The following ADAMTS12 variants were observed in gnomAD, a reference collection of about 807,000 sequenced individuals.
ADAMTS12 encodes ADAM metallopeptidase with thrombospondin type 1 motif 12.
In ADAMTS12, 118 loss-of-function variants were observed where a neutral mutation model predicts 167.8. The ratio of observed to expected loss-of-function variants is 0.70; its 90% CI spans 0.61 to 0.82. The LOEUF (loss-of-function observed/expected upper bound fraction) is 0.82, where lower values mean the gene tolerates loss of function less well. ADAMTS12 is among the 40% of genes least tolerant of loss of function. The pLI, the probability that ADAMTS12 is intolerant of heterozygous loss-of-function variation, is 0.00. For synonymous variants in ADAMTS12, 704 were observed against 716.9 expected, an observed-to-expected ratio of 0.98 and a Z score of 0.29; for missense variants, 1,916 against 1,998.8, an observed-to-expected ratio of 0.96 and a Z score of 0.79.
At chr5:33,702,979 C>T (rs1466203740) in intron 3 of ADAMTS12, among the ~76,000 whole-genome samples, 3 of 152,308 alleles carry the variant, frequency 2.0e-5, no homozygotes, top group African/African-American at 7.2e-5. Flanking sequence ...ACAACCTGTT[C>T]ATCCACAGGT....
chr5:33,624,009 T>C (rs1161145711), intron 14 of ADAMTS12, among the ~76,000 whole-genome samples: 2 of 152,226 alleles, frequency 1.3e-5, no homozygotes, highest in African/African-American at 4.8e-5. Context: ...CAGATCTCTA[T>C]CTCACTGTGA....
At chr5:33,871,401 G>C (rs904343428) in intron 2 of ADAMTS12, among the ~76,000 whole-genome samples, 3 of 152,000 alleles carry the variant, frequency 2.0e-5, no homozygotes, top group East Asian at 3.8e-4. Flanking sequence ...GTACTGAAAA[G>C]AAAGGAAAAC....
At chr5:33,606,893 T>C (rs1056137363) in intron 16 of ADAMTS12, among the ~76,000 whole-genome samples, 3 of 152,166 alleles carry the variant, frequency 2.0e-5, no homozygotes, top group Non-Finnish European at 4.4e-5. Flanking sequence ...ACAGTGTATA[T>C]AATACATGTA....
chr5:33,825,465 A>G (rs1202214183), intron 2 of ADAMTS12, among the ~76,000 whole-genome samples: 1 of 152,204 alleles, frequency 6.6e-6, no homozygotes, highest in Non-Finnish European at 1.5e-5. Context: ...GAGTGTAAGT[A>G]AGAGCTGCAT....
intron 21 of ADAMTS12, among the ~76,000 whole-genome samples, chr5:33,548,335 A>G (rs1050865926): frequency 1.3e-5 from 2 of 152,000 alleles, no homozygotes; most frequent in African/African-American, 4.8e-5. Context: ...AACTCCATTT[A>G]TTTTCTCATT....
Position 33,576,125 on chromosome 5 carries a change from T to C in ADAMTS12, c.3901A>G (p.Asn1301Asp). 2 of 1,614,098 alleles carry C rather than the reference T, an allele frequency of 1.2e-6. No individual in the cohort carries two copies. The highest frequency in any genetic ancestry group is 1.7e-6 in the Non-Finnish European group (2 of 1,180,006). ...TSLITEGFLL[N>D]ASNYKQLTNG... ...GTGAGCTGCTTGTAATTGGAGGCAT[T>C]TAGCAAAAAGCCCTCAGTAATCAGA... Residue 1301 changes from asparagine to aspartate, a missense_variant, in exon 19 of 24, where the codon AAT becomes GAT. Coordinates refer to ENST00000504830, the MANE Select transcript of ADAMTS12 (RefSeq NM_030955.4).
At chr5:33,630,970 C>T in intron 12 of ADAMTS12, 57 bp from the exon 13 acceptor site, 1 of 1,593,124 alleles carries the variant, frequency 6.3e-7, no homozygotes, top group Middle Eastern at 1.7e-4. Context: ...CAGCATCCTC[C>T]CCCAGGATTC....
chr5:33,846,491 G>C (rs1748950028), intron 2 of ADAMTS12, among the ~76,000 whole-genome samples: 1 of 152,182 alleles, frequency 6.6e-6, no homozygotes, highest in African/African-American at 2.4e-5. Context: ...TCTAGGTCAA[G>C]CTCAAATGCT....
chr5:33,675,159 T>C (rs1741855844), intron 5 of ADAMTS12, among the ~76,000 whole-genome samples: 1 of 152,162 alleles, frequency 6.6e-6, no homozygotes, highest in Non-Finnish European at 1.5e-5. Context: ...AGTGACCTAG[T>C]CTGTGATATT....
At chr5:33,660,758 T>C (rs78778672) in intron 6 of ADAMTS12, among the ~76,000 whole-genome samples, 10,226 of 152,208 alleles carry the variant, frequency 0.067, 624 homozygotes, top group African/African-American at 0.16. Flanking sequence ...AGGGGACCTA[T>C]TGATCAACCC....
chr5:33,820,273 T>A (rs1747820863), intron 2 of ADAMTS12, among the ~76,000 whole-genome samples: 1 of 152,216 alleles, frequency 6.6e-6, no homozygotes, highest in African/African-American at 2.4e-5. Flanking sequence ...GAATTTTATC[T>A]TTGAAATGAA....
chr5:33,791,695 G>A (rs1746575320), intron 2 of ADAMTS12, among the ~76,000 whole-genome samples: 1 of 151,610 alleles, frequency 6.6e-6, no homozygotes, highest in African/African-American at 2.4e-5. Flanking sequence ...TGTTAAGTCT[G>A]TCTGTGGTTC....
At chr5:33,884,125 G>A (rs1349762290) in intron 1 of ADAMTS12, among the ~76,000 whole-genome samples, 2 of 152,136 alleles carry the variant, frequency 1.3e-5, no homozygotes, top group Non-Finnish European at 2.9e-5. Flanking sequence ...GCTGACTGGC[G>A]CCTTCTATTA....
At chr5:33,596,201 G>A in intron 16 of ADAMTS12, 141 bp from the exon 17 acceptor site, 1 of 1,054,362 alleles carries the variant, frequency 9.5e-7, no homozygotes, top group Non-Finnish European at 1.4e-6. Context: ...TTTAAAGGAG[G>A]GATGAAGAAT....
chr5:33,641,668 T>C, intron 11 of ADAMTS12, 142 bp downstream of exon 11: 1 of 831,582 alleles, frequency 1.2e-6, no homozygotes, highest in Non-Finnish European at 1.7e-6. Flanking sequence ...TCTGTGAATC[T>C]TCTTGTTCTG....
At position 33,676,932 on chromosome 5, in the gene ADAMTS12, T is replaced by C. The variant is rs77076174; in HGVS notation, c.915+6086A>G. Among the ~76,000 whole-genome samples, 518 of 152,258 alleles carry C rather than the reference T, an allele frequency of 3.4e-3. 3 individuals are homozygous for C. The highest frequency in any genetic ancestry group is 0.012 in the African/African-American group (502 of 41,548). On this transcript the variant is annotated intron_variant, in intron 5 of 23. Coordinates refer to ENST00000504830, the MANE Select transcript of ADAMTS12 (RefSeq NM_030955.4). ...ACCAAGAAGAATTTCTTTGTGAAAG[T>C]GGTTGTCTCCTTCCTGCTGCTGTCA...
intron 2 of ADAMTS12, among the ~76,000 whole-genome samples, chr5:33,861,498 C>A (rs1455387731): frequency 6.6e-6 from 1 of 152,080 alleles, no homozygotes; most frequent in East Asian, 1.9e-4. Flanking sequence ...TATATATGCA[C>A]CCAATACAGC....
chr5:33,601,127 G>A (rs1738167513), intron 16 of ADAMTS12, among the ~76,000 whole-genome samples: 2 of 151,716 alleles, frequency 1.3e-5, no homozygotes, highest in Admixed American at 1.3e-4. Flanking sequence ...GTGTGTGTGT[G>A]TGTGTGTGTG....
At chr5:33,777,764 A>G (rs868217903) in intron 2 of ADAMTS12, among the ~76,000 whole-genome samples, 13 of 152,108 alleles carry the variant, frequency 8.5e-5, no homozygotes, top group African/African-American at 2.2e-4. Context: ...ATGGTCTTCT[A>G]TATAGAAAAT....
Sources: allele counts gnomAD v4.1 joint callset (sites outside exome capture counted in the v4.1 genomes callset), GRCh38; gene constraint gnomAD v4.1.1; transcripts MANE v1.5; gene names NCBI Gene and HGNC (gene_info 2026-07-23, HGNC 2026-07-21).